Variants in SLMAP observed in about 807,000 individuals in gnomAD.
SLMAP encodes the protein sarcolemmal membrane-associated protein.
In SLMAP, 44 loss-of-function variants were observed where a neutral mutation model predicts 128.8. The observed-to-expected ratio is 0.34, with a 90% CI of 0.27 to 0.44. SLMAP has a LOEUF of 0.44. Among genes scored for constraint, SLMAP ranks in the 20% least tolerant of loss-of-function variants. The pLI, the probability that SLMAP is intolerant of heterozygous loss-of-function variation, is 1.00. For synonymous variants in SLMAP, 327 were observed against 348.8 expected, an observed-to-expected ratio of 0.94 and a Z score of 0.70; for missense variants, 787 against 985.3, an observed-to-expected ratio of 0.80 and a Z score of 2.69.
At chr3:57,912,236 C>A in intron 19 of SLMAP, 145 bp from the exon 20 acceptor site, 10 of 550,938 alleles carry the variant, frequency 1.8e-5, no homozygotes, top group Admixed American at 3.2e-5. Context: ...TGTATTTTGA[C>A]GCTTTCTGCA....
chr3:57,780,670 G>T (rs546393430), intron 2 of SLMAP, among the ~76,000 whole-genome samples: 1 of 151,692 alleles, frequency 6.6e-6, no homozygotes, highest in South Asian at 2.1e-4. Flanking sequence ...TTGAGACAGG[G>T]TCTTGCTTTG....
chr3:57,774,905 C>A (rs1320616673), intron 2 of SLMAP, among the ~76,000 whole-genome samples: 1 of 151,980 alleles, frequency 6.6e-6, no homozygotes, highest in Non-Finnish European at 1.5e-5. Flanking sequence ...AATATGTATT[C>A]ATATATATAC....
chr3:57,924,422 G>A (rs554590513), intron 23 of SLMAP, among the ~76,000 whole-genome samples: 1 of 151,426 alleles, frequency 6.6e-6, no homozygotes, highest in Non-Finnish European at 1.5e-5. Context: ...AGGCTGGAGT[G>A]CAGTGGCATG....
intron 14 of SLMAP, among the ~76,000 whole-genome samples, chr3:57,881,090 A>T (rs2095730231): frequency 6.6e-6 from 1 of 152,048 alleles, no homozygotes; most frequent in South Asian, 2.1e-4. Flanking sequence ...GCTACTCAGG[A>T]GGCTGAGGCA....
chr3:57,785,485 G>T (rs999012729), intron 2 of SLMAP, among the ~76,000 whole-genome samples: 1 of 152,040 alleles, frequency 6.6e-6, no homozygotes. Context: ...TGTGCCCCGG[G>T]GCTAAATGAC....
intron 3 of SLMAP, among the ~76,000 whole-genome samples, chr3:57,832,650 C>T (rs1158188796): frequency 2.1e-4 from 32 of 152,144 alleles, no homozygotes; most frequent in Admixed American, 2.0e-3. Flanking sequence ...CAGAATTTTG[C>T]ATAGTAGAGA....
intron 2 of SLMAP, among the ~76,000 whole-genome samples, chr3:57,759,191 C>T (rs1027117549): frequency 2.0e-5 from 3 of 152,178 alleles, no homozygotes; most frequent in African/African-American, 7.2e-5. Flanking sequence ...AACACCAGAT[C>T]CTCATTTACC....
At chr3:57,863,157 G>A (rs2095166602) in intron 10 of SLMAP, among the ~76,000 whole-genome samples, 1 of 152,102 alleles carries the variant, frequency 6.6e-6, no homozygotes, top group Non-Finnish European at 1.5e-5. Context: ...TAGCTTTCAG[G>A]GATGCTGTTA....
intron 2 of SLMAP, among the ~76,000 whole-genome samples, chr3:57,762,039 G>A (rs1264465271): frequency 7.2e-6 from 1 of 138,866 alleles, no homozygotes; most frequent in Non-Finnish European, 1.5e-5. Context: ...GGGCGACAGA[G>A]CGAGACTCCG....
intron 13 of SLMAP, 23 bp downstream of exon 13, chr3:57,865,315 A>G (rs2095266867): frequency 2.0e-6 from 2 of 1,017,106 alleles, no homozygotes; most frequent in African/African-American, 3.2e-5. Context: ...ACTTAAATAT[A>G]TATATACTTT....
chr3:57,838,623 A>G (rs571435191), intron 3 of SLMAP, among the ~76,000 whole-genome samples: 1 of 147,214 alleles, frequency 6.8e-6, no homozygotes, highest in South Asian at 2.3e-4. Context: ...TGTTTTAAGA[A>G]ATAGATATAG....
Position 57,854,325 on chromosome 3 carries a change from G to A in SLMAP, c.520-3408G>A, listed in dbSNP as rs538748703. Among the ~76,000 whole-genome samples the A allele has an allele frequency of 0.014, 8 of 588 alleles. No individual in the cohort carries two copies. In the East Asian group the frequency reaches 0.44, roughly 32 times the overall value. The allele number at this position is 588 out of a possible 152,430, so 0.4% of individuals were successfully genotyped here. On this transcript the variant is annotated intron_variant, in intron 6 of 24. Coordinates refer to ENST00000671191, the MANE Select transcript of SLMAP (RefSeq NM_001377540.1). ...TTAAATGTATATATTGGCCGGGCAC[G>A]GGGGCTCTTGGCCTGTAATCCCAAC... is the stretch of plus-strand genomic sequence containing the variant.
At chr3:57,784,863 T>C (rs989389529) in intron 2 of SLMAP, among the ~76,000 whole-genome samples, 11 of 152,274 alleles carry the variant, frequency 7.2e-5, no homozygotes, top group African/African-American at 2.4e-4. Context: ...GGGTTTGTTA[T>C]AGAAGTGAGT....
chr3:57,825,973 T>C (rs1263325314), intron 2 of SLMAP, among the ~76,000 whole-genome samples: 3 of 152,168 alleles, frequency 2.0e-5, no homozygotes, highest in African/African-American at 7.2e-5. Context: ...CTGCTTGTTT[T>C]TCAGTGTTTC....
At chr3:57,922,837 A>G (rs978595208) in intron 22 of SLMAP, 52 bp from the exon 23 acceptor site, 3 of 1,559,842 alleles carry the variant, frequency 1.9e-6, no homozygotes, top group African/African-American at 1.4e-5. Context: ...GAACCATAAC[A>G]TCATACCCAT....
At chr3:57,812,977 C>G (rs546775022) in intron 2 of SLMAP, among the ~76,000 whole-genome samples, 2 of 151,966 alleles carry the variant, frequency 1.3e-5, no homozygotes, top group African/African-American at 4.8e-5. Flanking sequence ...TTGTATCTTA[C>G]TACTTTGCTG....
At chr3:57,832,008 C>T (rs1356751588) in intron 3 of SLMAP, among the ~76,000 whole-genome samples, 2 of 152,236 alleles carry the variant, frequency 1.3e-5, no homozygotes, top group Non-Finnish European at 2.9e-5. Context: ...CATCATTTTC[C>T]TCACACCAGT....
At chr3:57,847,152 C>G in intron 4 of SLMAP, 45 bp from the exon 5 acceptor site, 1 of 1,306,776 alleles carries the variant, frequency 7.7e-7, no homozygotes, top group Non-Finnish European at 1.1e-6. Flanking sequence ...TCTGTTTCCT[C>G]TATTGTCCGG....
chr3:57,927,353 C>T lies in SLMAP; in HGVS notation c.*64C>T, dbSNP rs544681029. The T allele has an allele frequency of 3.1e-6, 5 of 1,601,872 alleles. No homozygotes were observed. In the Admixed American group the frequency reaches 5.0e-5, roughly 16 times the overall value. On this transcript the variant is annotated 3_prime_UTR_variant, in exon 25 of 25. Transcript: ENST00000671191. ...CCTGGTTGCAGTAACAGCCATCGTGCTGTACGTGCCAGGTCTGGCCAGAGC... is the reference window on the plus strand; with the variant it reads ...CCTGGTTGCAGTAACAGCCATCGTGTTGTACGTGCCAGGTCTGGCCAGAGC...
Sources: gnomAD v4.1 joint callset for allele counts (sites outside exome capture counted in the v4.1 genomes callset) on GRCh38, gnomAD v4.1.1 for gene constraint, MANE v1.5 for transcripts, NCBI Gene and HGNC (gene_info 2026-07-23, HGNC 2026-07-21) for gene names.